The following PCDHA8 variants were observed in gnomAD, a reference collection of about 807,000 sequenced individuals.
The protein encoded by PCDHA8 is protocadherin alpha 8, also known as protocadherin alpha-8.
In PCDHA8, 53 loss-of-function variants were observed where a neutral mutation model predicts 61.8. That is an observed-to-expected ratio of 0.86 (90% confidence interval 0.69 to 1.08). PCDHA8 has a LOEUF of 1.08. Ranked by LOEUF, PCDHA8 falls within the 50% of genes least tolerant of loss-of-function variation. The pLI, the probability that PCDHA8 is intolerant of heterozygous loss-of-function variation, is 0.00. For missense variants in PCDHA8, 1,293 were observed against 1,245.0 expected (o/e 1.04, Z -0.58); for synonymous variants, 618 against 556.6 (o/e 1.11, Z -1.55).
chr5:140,968,035 G>A, intron 1 of PCDHA8: 1 of 1,614,184 alleles, frequency 6.2e-7, no homozygotes, highest in South Asian at 1.1e-5. Flanking sequence ...CACTGGTGGT[G>A]AGCGGCCCAC....
At chr5:140,928,844 C>A (rs782361945) in intron 1 of PCDHA8, 9 of 1,614,168 alleles carry the variant, frequency 5.6e-6, no homozygotes, top group Non-Finnish European at 7.6e-6. Context: ...TCCTCTGTCA[C>A]TCTGGGTGTG....
At chr5:140,898,900 C>T (rs1257410263) in intron 1 of PCDHA8, among the ~76,000 whole-genome samples, 2 of 151,396 alleles carry the variant, frequency 1.3e-5, no homozygotes, top group Non-Finnish European at 3.0e-5. Context: ...TGAAGAGGTC[C>T]TTCACGTCCC....
At chr5:140,930,553 A>C (rs1252554591) in intron 1 of PCDHA8, 1 of 152,562 alleles carries the variant, frequency 6.6e-6, no homozygotes, top group Non-Finnish European at 1.5e-5. Flanking sequence ...TTAGGACAAC[A>C]TTTTGAAGCA....
At chr5:140,924,891 T>C (rs549129193) in intron 1 of PCDHA8, among the ~76,000 whole-genome samples, 1 of 88,410 alleles carries the variant, frequency 1.1e-5, no homozygotes, top group African/African-American at 5.1e-5. Context: ...CAAGAACCTG[T>C]CTCAAAAAAA....
rs142570778 is a variant in PCDHA8 at position 141,009,810 on chromosome 5, A to G, written c.2726A>G (p.Asp909Gly). ...CAGGAGCCTACTAACAGCCAAATTG[A>G]CAAAAGTGACTTCATAACCTTCGGC... ...IRQEPTNSQI[D>G]KSDFITFGKK... The change falls in exon 4 of 4, where the codon GAC (aspartate) becomes GGC (glycine). Residue 909 changes from aspartate to glycine, a missense_variant. Asp to Gly is a moderately conservative substitution (Grantham distance 94). Transcript: ENST00000531613. 8 of 1,614,016 alleles carry G rather than the reference A, an allele frequency of 5.0e-6. No individual in the cohort carries two copies. Among genetic ancestry groups the G allele is most frequent in the Admixed American group, 3.3e-5 (2 of 60,000 alleles).
chr5:140,857,913 G>A (rs559667430), intron 1 of PCDHA8: 1 of 1,597,802 alleles, frequency 6.3e-7, no homozygotes, highest in East Asian at 2.2e-5. Context: ...ATCCCGTTTC[G>A]CGTGGGGCTG....
intron 1 of PCDHA8, among the ~76,000 whole-genome samples, chr5:140,894,318 T>C (rs1403062288): frequency 1.3e-5 from 2 of 152,086 alleles, no homozygotes; most frequent in Non-Finnish European, 2.9e-5. Context: ...TCTTAAATTA[T>C]AGATTTTAGT....
chr5:140,958,162 C>A lies in PCDHA8; in HGVS notation c.2395-20787C>A, dbSNP rs574337485. Among the ~76,000 whole-genome samples the A allele has an allele frequency of 1.1e-4, 16 of 152,028 alleles. No homozygotes were observed. The South Asian group carries it at 3.3e-3, about 32-fold the overall frequency. Reference sequence around the variant, plus strand: ...ATATTTATATAGCATAGTCAAAAGCCTGGAGTGATATAAATTTTCTGTTAC... The same window carrying A: ...ATATTTATATAGCATAGTCAAAAGCATGGAGTGATATAAATTTTCTGTTAC... On this transcript the variant is annotated intron_variant, in intron 1 of 3. Coordinates refer to ENST00000531613, the MANE Select transcript of PCDHA8 (RefSeq NM_018911.3).
chr5:140,871,644 C>A, intron 1 of PCDHA8: 2 of 1,286,330 alleles, frequency 1.6e-6, no homozygotes, highest in Non-Finnish European at 2.1e-6. Flanking sequence ...CATAAAATAC[C>A]AAATGATACA....
intron 1 of PCDHA8, chr5:140,865,093 G>T (rs535527730): frequency 6.6e-6 from 1 of 152,216 alleles, no homozygotes; most frequent in African/African-American, 2.4e-5. Flanking sequence ...TATTAATAAA[G>T]GCACTTCCAC....
At chr5:140,997,668 TTGTGTGTGTGTG>T (rs35184029) in intron 3 of PCDHA8, among the ~76,000 whole-genome samples, 3 of 148,244 alleles carry the variant, frequency 2.0e-5, no homozygotes, top group South Asian at 2.2e-4. Context: ...ATTATACAGC[TTGTGTGTGTGTG>T]TGTGTGTGTG....
chr5:140,876,789 T>C (rs782509311), intron 1 of PCDHA8: 97 of 1,614,054 alleles, frequency 6.0e-5, no homozygotes, highest in Non-Finnish European at 7.5e-5. Context: ...GGGCCACGGC[T>C]AGAGTGTCCG....
At chr5:140,903,917 T>C (rs2070714744) in intron 1 of PCDHA8, among the ~76,000 whole-genome samples, 1 of 152,258 alleles carries the variant, frequency 6.6e-6, no homozygotes, top group Non-Finnish European at 1.5e-5. Flanking sequence ...GTGACTTCCT[T>C]GCTGCATTGG....
chr5:140,857,908 G>A (rs782073504), intron 1 of PCDHA8: 2 of 1,597,838 alleles, frequency 1.3e-6, no homozygotes, highest in Non-Finnish European at 1.7e-6. Flanking sequence ...CACGCATCCC[G>A]TTTCGCGTGG....
In PCDHA8 at chr5:140,875,509, C is replaced by A. The variant is rs1554167713; in HGVS notation, c.2394+31794C>A. On this transcript the variant is annotated intron_variant, in intron 1 of 3. Coordinates refer to ENST00000531613, the MANE Select transcript of PCDHA8 (RefSeq NM_018911.3). The stretch of plus-strand genomic sequence containing the variant: ...CGGACCAAGAGGCCCGGGATCCCAG[C>A]GTCTGCTGCTCTCGCTTCTGCTCCT... 3.7e-6 allele frequency: 6 copies of A among 1,613,576 alleles called. No individual in the cohort carries two copies. The Admixed American group carries it at 6.7e-5, about 18-fold the overall frequency.
intron 1 of PCDHA8, chr5:140,870,154 G>T (rs1243170344): frequency 6.2e-7 from 1 of 1,614,130 alleles, no homozygotes; most frequent in African/African-American, 1.3e-5. Flanking sequence ...TGAAGTCGCC[G>T]TGACTTCCTT....
chr5:140,938,065 C>A (rs2091903151), intron 1 of PCDHA8, among the ~76,000 whole-genome samples: 1 of 152,094 alleles, frequency 6.6e-6, no homozygotes, highest in Admixed American at 6.5e-5. Context: ...TACTGTCATG[C>A]TATTCCCAAA....
At chr5:140,943,405 A>G (rs1030211474) in intron 1 of PCDHA8, among the ~76,000 whole-genome samples, 2 of 152,164 alleles carry the variant, frequency 1.3e-5, no homozygotes, top group Non-Finnish European at 2.9e-5. Flanking sequence ...ATTTAAATTC[A>G]GACTAGAGGC....
chr5:140,843,792 GT>G, intron 1 of PCDHA8, 77 bp downstream of exon 1: 1 of 1,356,394 alleles, frequency 7.4e-7, no homozygotes, highest in South Asian at 1.4e-5. Flanking sequence ...TTCAGATTTA[GT>G]TTTTCACCGT....
Sources: gnomAD v4.1 joint callset for allele counts (sites outside exome capture counted in the v4.1 genomes callset) on GRCh38, gnomAD v4.1.1 for gene constraint, MANE v1.5 for transcripts, NCBI Gene and HGNC (gene_info 2026-07-23, HGNC 2026-07-21) for gene names.